CCM2: variants seen among roughly 807,000 people sequenced by gnomAD.
The protein encoded by CCM2 is CCM2 scaffold protein, also known as cerebral cavernous malformations 2 protein.
In CCM2, 25 loss-of-function variants were observed where a neutral mutation model predicts 44.9. That is an observed-to-expected ratio of 0.56 (90% confidence interval 0.41 to 0.78). The LOEUF is 0.78. Ranked by LOEUF, CCM2 falls within the 30% of genes least tolerant of loss-of-function variation. The probability of loss-of-function intolerance (pLI) is 0.00; values close to 1 mark genes in which losing one functional copy is unlikely to be tolerated. For synonymous variants in CCM2, 219 were observed against 241.1 expected (o/e 0.91, Z 0.85); for missense variants, 481 against 580.6 (o/e 0.83, Z 1.76).
At chr7:45,023,267 C>T (rs1327638061) in intron 1 of CCM2, among the ~76,000 whole-genome samples, 4 of 151,814 alleles carry the variant, frequency 2.6e-5, no homozygotes, top group East Asian at 1.9e-4. Flanking sequence ...ACTTTATTTA[C>T]GGCTGGGTGC....
chr7:45,006,889 G>T (rs1020112147), intron 1 of CCM2, among the ~76,000 whole-genome samples: 1 of 152,148 alleles, frequency 6.6e-6, no homozygotes, highest in African/African-American at 2.4e-5. Context: ...TTCTATTATT[G>T]AAGCCACTCA....
intron 1 of CCM2, chr7:45,027,901 C>A: frequency 8.3e-7 from 1 of 1,203,018 alleles, no homozygotes; most frequent in Non-Finnish European, 1.2e-6. Flanking sequence ...CCATTGTGAG[C>A]TAGGGTAGCC....
intron 2 of CCM2, among the ~76,000 whole-genome samples, chr7:45,054,937 C>T (rs889322086): frequency 2.0e-5 from 3 of 152,198 alleles, no homozygotes; most frequent in Non-Finnish European, 2.9e-5. Flanking sequence ...GATATTAGAA[C>T]AAGGATTAGA....
At chr7:45,073,693 G>T in intron 8 of CCM2, 122 bp downstream of exon 8, 1 of 667,132 alleles carries the variant, frequency 1.5e-6, no homozygotes, top group Non-Finnish European at 2.6e-6. Context: ...AGGTCACCTA[G>T]AGCACTCTTG....
At chr7:45,067,416 G>A (rs1583977704) in intron 4 of CCM2, among the ~76,000 whole-genome samples, 1 of 152,256 alleles carries the variant, frequency 6.6e-6, no homozygotes, top group East Asian at 1.9e-4. Context: ...ACCCGCCTTG[G>A]CCTCCCAATG....
intron 1 of CCM2, among the ~76,000 whole-genome samples, chr7:45,020,304 G>C (rs1430768911): frequency 2.0e-5 from 3 of 152,142 alleles, no homozygotes; most frequent in Non-Finnish European, 4.4e-5. Flanking sequence ...ATCTCGGTCT[G>C]TGAGAAAGTT....
intron 2 of CCM2, among the ~76,000 whole-genome samples, chr7:45,050,819 C>G (rs1797967744): frequency 6.6e-6 from 1 of 152,146 alleles, no homozygotes; most frequent in Admixed American, 6.5e-5. Context: ...TCATCATTGT[C>G]TTCAATTGGT....
Position 45,038,328 on chromosome 7 carries a change from G to A in CCM2, c.106G>A (p.Val36Met), listed in dbSNP as rs1443446013. The change falls in exon 2 of 10, where the codon GTG becomes ATG. Residue 36 changes from valine to methionine, a missense_variant. Transcript: ENST00000258781. ...TAGAGATAAGAAAGCCCATGAGAAG[G>A]TGACAGAGAGGCGCCCTCTGCACAC... ...KSRDKKAHEK[V>M]TERRPLHTVV... is the part of the protein sequence containing the mutation. The A allele has an allele frequency of 6.2e-7, 1 of 1,614,218 alleles. No homozygotes were observed. The highest frequency in any genetic ancestry group is 8.5e-7 in the Non-Finnish European group (1 of 1,180,042).
In CCM2 at chr7:45,037,008, C is replaced by T. The variant is rs181722641; in HGVS notation, c.31-1245C>T. 8.9e-4 allele frequency among the ~76,000 whole-genome samples: 136 copies of T among 152,156 alleles called. 2 individuals are homozygous for T. Among genetic ancestry groups the T allele is most frequent in the African/African-American group, 3.2e-3 (133 of 41,520 alleles). The stretch of plus-strand genomic sequence containing the variant: ...GGGAATAAGTTCTCACTCTTAGTCA[C>T]GGCTCTGGTTTTTGCAGGCCTGCGT... On this transcript the variant is annotated intron_variant, in intron 1 of 9. Transcript: ENST00000258781.
In CCM2 at chr7:45,000,355, G is replaced by A. The variant is rs1795542442; in HGVS notation, c.22G>A (p.Gly8Ser). 2.3e-6 allele frequency: 3 copies of A among 1,306,294 alleles called. No homozygotes were observed. Among genetic ancestry groups the A allele is most frequent in the East Asian group, 3.1e-5 (1 of 31,988 alleles). 80.9% of individuals were successfully genotyped at this position (1,306,294 alleles called of 1,614,324 possible). Residue 8 changes from glycine (G) to serine (S), a missense_variant, in exon 1 of 10, where the codon GGC (glycine) becomes AGC (serine). Gly to Ser is a moderately conservative substitution (Grantham distance 56). Coordinates refer to ENST00000258781, the MANE Select transcript of CCM2 (RefSeq NM_031443.4). ...CGATATGGAAGAGGAGGGCAAGAAGGGCAAGAAGGTGAGCGTGCGCGGGGG... is the reference window on the plus strand; with the variant it reads ...CGATATGGAAGAGGAGGGCAAGAAGAGCAAGAAGGTGAGCGTGCGCGGGGG... MEEEGKK[G>S]KKPGIVSPFK...
intron 1 of CCM2, among the ~76,000 whole-genome samples, chr7:45,029,888 G>A (rs550011034): frequency 2.0e-5 from 3 of 152,326 alleles, no homozygotes; most frequent in Non-Finnish European, 2.9e-5. Context: ...TTTAAGAGTT[G>A]TTTTAAGCTT....
At chr7:45,052,730 A>G (rs1798071144) in intron 2 of CCM2, among the ~76,000 whole-genome samples, 1 of 152,182 alleles carries the variant, frequency 6.6e-6, no homozygotes, top group South Asian at 2.1e-4. Flanking sequence ...TTTATCCACC[A>G]TAATTTCTAT....
chr7:45,023,025 G>A (rs988207751), intron 1 of CCM2, among the ~76,000 whole-genome samples: 2 of 152,094 alleles, frequency 1.3e-5, no homozygotes, highest in Non-Finnish European at 2.9e-5. Flanking sequence ...ACAGGCATGA[G>A]CCACCTCACC....
At chr7:45,008,240 A>G (rs1178407663) in intron 1 of CCM2, among the ~76,000 whole-genome samples, 1 of 151,760 alleles carries the variant, frequency 6.6e-6, no homozygotes, top group Non-Finnish European at 1.5e-5. Context: ...GGGTTTCCCC[A>G]TGTTGGCAAG....
At chr7:45,002,358 C>G (rs923554268) in intron 1 of CCM2, among the ~76,000 whole-genome samples, 1 of 152,164 alleles carries the variant, frequency 6.6e-6, no homozygotes, top group Non-Finnish European at 1.5e-5. Flanking sequence ...CACTTTAGCT[C>G]AGGAGTTCGA....
At chr7:44,999,942 G>T (rs981521144), upstream of CCM2, 32 of 302,672 alleles carry the variant, frequency 1.1e-4, no homozygotes, top group Admixed American at 8.6e-5. Flanking sequence ...GGTGGGGGTG[G>T]TGCAAGGCAG....
chr7:45,072,991 G>T, intron 7 of CCM2: 2 of 656,138 alleles, frequency 3.0e-6, no homozygotes, highest in Non-Finnish European at 2.8e-6. Context: ...TGTCCCTCTT[G>T]TCTCTCCCTG....
intron 2 of CCM2, among the ~76,000 whole-genome samples, chr7:45,039,987 A>C (rs746202533): frequency 2.0e-5 from 3 of 152,050 alleles, no homozygotes; most frequent in Non-Finnish European, 4.4e-5. Context: ...AGATCACACC[A>C]CTGCACTCCA....
chr7:45,065,694 C>T (rs1798737730), intron 4 of CCM2, among the ~76,000 whole-genome samples: 2 of 152,096 alleles, frequency 1.3e-5, no homozygotes, highest in Non-Finnish European at 1.5e-5. Flanking sequence ...GGAACACTGG[C>T]GGGGTTTATG....
Sources: allele counts gnomAD v4.1 joint callset (sites outside exome capture counted in the v4.1 genomes callset), GRCh38; gene constraint gnomAD v4.1.1; transcripts MANE v1.5; gene names NCBI Gene and HGNC (gene_info 2026-07-23, HGNC 2026-07-21).